Variants in LDLRAD3 observed in about 807,000 individuals in gnomAD.
The protein encoded by LDLRAD3 is low density lipoprotein receptor class A domain containing 3, also known as low-density lipoprotein receptor class A domain-containing protein 3.
A neutral mutation model predicts 29.4 loss-of-function variants in LDLRAD3; 20 were observed. That is an observed-to-expected ratio of 0.68 (90% CI 0.48 to 0.99). The LOEUF is 0.99. Ranked by LOEUF, LDLRAD3 falls within the 50% of genes least tolerant of loss-of-function variation. The probability of loss-of-function intolerance (pLI) is 0.00; values close to 1 mark genes in which losing one functional copy is unlikely to be tolerated. For synonymous variants in LDLRAD3, 157 were observed against 192.7 expected, an observed-to-expected ratio of 0.81 and a Z score of 1.53; for missense variants, 420 against 454.3, an observed-to-expected ratio of 0.92 and a Z score of 0.69.
chr11:36,134,180 T>C (rs16928442), intron 4 of LDLRAD3, among the ~76,000 whole-genome samples: 15,564 of 152,078 alleles, frequency 0.1, 999 homozygotes, highest in African/African-American at 0.18. Flanking sequence ...CAGCATCTTA[T>C]GGAAACTGAA....
intron 1 of LDLRAD3, among the ~76,000 whole-genome samples, chr11:36,013,008 T>C (rs1187913167): frequency 1.3e-5 from 2 of 152,248 alleles, no homozygotes; most frequent in African/African-American, 4.8e-5. Context: ...ATGTCCATTT[T>C]GTATAAATCA....
intron 4 of LDLRAD3, among the ~76,000 whole-genome samples, chr11:36,179,303 A>G (rs1392816391): frequency 3.3e-5 from 5 of 151,988 alleles, no homozygotes; most frequent in African/African-American, 1.2e-4. Flanking sequence ...GTGAAACCCC[A>G]TCTCTACTAA....
intron 1 of LDLRAD3, among the ~76,000 whole-genome samples, chr11:35,965,642 G>T (rs1311040744): frequency 3.9e-5 from 6 of 152,118 alleles, no homozygotes; most frequent in Non-Finnish European, 7.3e-5. Flanking sequence ...GAGGAGGGAG[G>T]AAACCAAAGA....
chr11:36,143,360 C>T (rs2133317653), intron 4 of LDLRAD3, among the ~76,000 whole-genome samples: 1 of 152,352 alleles, frequency 6.6e-6, no homozygotes, highest in African/African-American at 2.4e-5. Flanking sequence ...AATGAGAAAC[C>T]AGAAGAAGCT....
At chr11:36,144,828 C>T (rs1412070727) in intron 4 of LDLRAD3, among the ~76,000 whole-genome samples, 15 of 128,448 alleles carry the variant, frequency 1.2e-4, no homozygotes, top group African/African-American at 4.4e-4. Context: ...CCCCGCCCGG[C>T]CAGCCGCCCG....
At chr11:36,056,196 T>C (rs954626765) in intron 2 of LDLRAD3, among the ~76,000 whole-genome samples, 2 of 152,074 alleles carry the variant, frequency 1.3e-5, no homozygotes, top group Non-Finnish European at 2.9e-5. Context: ...GGTTTCACCA[T>C]GTTGGTCAGG....
At chr11:36,189,331 C>G (rs1854903089) in intron 4 of LDLRAD3, among the ~76,000 whole-genome samples, 2 of 151,996 alleles carry the variant, frequency 1.3e-5, no homozygotes, top group African/African-American at 4.8e-5. Context: ...ACTAAAAATA[C>G]AAAAATTAGC....
At chr11:36,023,583 A>G (rs981205443) in intron 1 of LDLRAD3, among the ~76,000 whole-genome samples, 65 of 152,168 alleles carry the variant, frequency 4.3e-4, no homozygotes, top group African/African-American at 1.5e-3. Flanking sequence ...CCCTCAGAGG[A>G]GGAGCTCTAT....
chr11:36,165,152 A>T (rs565018060), intron 4 of LDLRAD3, among the ~76,000 whole-genome samples: 1 of 151,974 alleles, frequency 6.6e-6, no homozygotes, highest in South Asian at 2.1e-4. Flanking sequence ...TCAGTTTTAC[A>T]TCCTACTTTT....
chr11:36,080,196 A>G (rs1473483067), intron 2 of LDLRAD3, among the ~76,000 whole-genome samples: 2 of 152,194 alleles, frequency 1.3e-5, no homozygotes, highest in African/African-American at 4.8e-5. Flanking sequence ...GACAGAAGAC[A>G]AGAGGGATGC....
intron 4 of LDLRAD3, among the ~76,000 whole-genome samples, chr11:36,149,172 G>T (rs781759368): frequency 7.9e-5 from 12 of 152,208 alleles, no homozygotes; most frequent in Non-Finnish European, 1.6e-4. Context: ...CCATTTGGGA[G>T]TAGCCAGGGA....
intron 4 of LDLRAD3, among the ~76,000 whole-genome samples, chr11:36,139,088 G>A (rs1292569072): frequency 6.6e-6 from 1 of 152,174 alleles, no homozygotes; most frequent in South Asian, 2.1e-4. Flanking sequence ...TCTCTTTGTG[G>A]CCCTACTCAG....
At position 36,039,861 on chromosome 11, in the gene LDLRAD3, C is replaced by A. The variant is rs531544812; in HGVS notation, c.193+3612C>A. Among the ~76,000 whole-genome samples the A allele has an allele frequency of 2.0e-5, 3 of 152,308 alleles. No individual in the cohort carries two copies. In the East Asian group the frequency reaches 5.8e-4, roughly 29 times the overall value. The stretch of plus-strand genomic sequence containing the variant: ...GATCATTTAAAGAACTTATGCATAA[C>A]CAGACGACAGAAATATACAATGGTT... On this transcript the variant is annotated intron_variant, in intron 2 of 5. Transcript: ENST00000315571.
intron 4 of LDLRAD3, among the ~76,000 whole-genome samples, chr11:36,120,433 G>T (rs1185205412): frequency 6.6e-6 from 1 of 152,130 alleles, no homozygotes; most frequent in Non-Finnish European, 1.5e-5. Context: ...TGTTTAGTAT[G>T]TGCTAGGCAC....
chr11:36,046,442 G>A (rs1427313548), intron 2 of LDLRAD3, among the ~76,000 whole-genome samples: 1 of 152,026 alleles, frequency 6.6e-6, no homozygotes, highest in Non-Finnish European at 1.5e-5. Flanking sequence ...GTGTTCTTTG[G>A]CTTGTAGATA....
chr11:36,070,199 G>C (rs1852874429), intron 2 of LDLRAD3, among the ~76,000 whole-genome samples: 1 of 152,210 alleles, frequency 6.6e-6, no homozygotes, highest in Admixed American at 6.5e-5. Flanking sequence ...TTTGATATTG[G>C]CCAAACAGGG....
chr11:36,192,109 C>A (rs758743597), intron 4 of LDLRAD3, among the ~76,000 whole-genome samples: 1 of 152,072 alleles, frequency 6.6e-6, no homozygotes, highest in African/African-American at 2.4e-5. Context: ...TCAAAGAATG[C>A]GATCGCTTTT....
chr11:36,182,605 G>A (rs1168048492), intron 4 of LDLRAD3, among the ~76,000 whole-genome samples: 1 of 152,154 alleles, frequency 6.6e-6, no homozygotes, highest in Non-Finnish European at 1.5e-5. Context: ...TAGAGCATTT[G>A]CAGGCCTAGG....
chr11:35,983,691 T>C (rs7927809), intron 1 of LDLRAD3, among the ~76,000 whole-genome samples: 27,087 of 152,182 alleles, frequency 0.18, 6,961 homozygotes, highest in African/African-American at 0.57. Flanking sequence ...AGTGTAGTGG[T>C]GCGATCTCAG....
Sources: gnomAD v4.1 joint callset for allele counts (sites outside exome capture counted in the v4.1 genomes callset) on GRCh38, gnomAD v4.1.1 for gene constraint, MANE v1.5 for transcripts, NCBI Gene and HGNC (gene_info 2026-07-23, HGNC 2026-07-21) for gene names.